FOXJ3: variants seen among roughly 807,000 people sequenced by gnomAD.
FOXJ3 encodes forkhead box J3.
A neutral mutation model predicts 76.1 loss-of-function variants in FOXJ3; 22 were observed. The ratio of observed to expected loss-of-function variants is 0.29; its 90% CI spans 0.21 to 0.41. The LOEUF is 0.41. FOXJ3 is among the 10% of genes least tolerant of loss of function. The pLI, the probability that FOXJ3 is intolerant of heterozygous loss-of-function variation, is 1.00. For missense variants in FOXJ3, 613 were observed against 762.1 expected (o/e 0.80, Z 2.30); for synonymous variants, 269 against 261.2 (o/e 1.03, Z -0.29).
Position 42,282,545 on chromosome 1 carries a change from C to G in FOXJ3, c.45-3873G>C, listed in dbSNP as rs574634346. On this transcript the variant is annotated intron_variant, in intron 2 of 12. Transcript: ENST00000361346. The stretch of plus-strand genomic sequence containing the variant: ...TAGTTGAATCATATGCTTAAGCTTT[C>G]TACCCTCACCTCCTCTCCCCCAACC... Among the ~76,000 whole-genome samples, 3 of 152,258 alleles carry G rather than the reference C, an allele frequency of 2.0e-5. No homozygotes were observed. In the East Asian group the frequency reaches 5.8e-4, roughly 29 times the overall value.
chr1:42,286,779 G>A (rs1479573827), intron 2 of FOXJ3, among the ~76,000 whole-genome samples: 1 of 151,934 alleles, frequency 6.6e-6, no homozygotes, highest in Non-Finnish European at 1.5e-5. Context: ...GATTACAGGT[G>A]TGTGCCACCA....
chr1:42,303,223 C>T (rs56059835), intron 2 of FOXJ3, among the ~76,000 whole-genome samples: 113 of 152,300 alleles, frequency 7.4e-4, no homozygotes, highest in Non-Finnish European at 1.2e-3. Flanking sequence ...CCAGCTCTAT[C>T]CCTAATTACC....
chr1:42,184,773 C>T (rs1386583425), intron 11 of FOXJ3, among the ~76,000 whole-genome samples: 5 of 152,022 alleles, frequency 3.3e-5, no homozygotes, highest in African/African-American at 1.2e-4. Flanking sequence ...ATCCCCTGAG[C>T]AGGTGTTTTT....
intron 1 of FOXJ3, among the ~76,000 whole-genome samples, chr1:42,313,963 T>C (rs1336894445): frequency 2.0e-5 from 3 of 152,214 alleles, no homozygotes; most frequent in African/African-American, 7.2e-5. Context: ...CATTCCCTCC[T>C]GGAAATCCCA....
rs540211840 is a variant in FOXJ3, at chr1:42,317,608, CAAG to C, written c.-17-6501_-17-6499del. ...AAAGGCAATCATGTTCAGTGTAGAT[CAAG>C]AAGGATAAAAACTGAAAAGAGAATA... is the stretch of plus-strand genomic sequence containing the variant. On this transcript the variant is annotated intron_variant, in intron 1 of 12. Coordinates refer to ENST00000361346, the MANE Select transcript of FOXJ3 (RefSeq NM_014947.5). Among the ~76,000 whole-genome samples the C allele has an allele frequency of 2.8e-3, 409 of 148,636 alleles. 4 individuals are homozygous for C. The highest frequency in any genetic ancestry group is 9.7e-3 in the African/African-American group (390 of 40,394).
chr1:42,213,442 T>A (rs1647005548), intron 5 of FOXJ3, among the ~76,000 whole-genome samples: 2 of 143,020 alleles, frequency 1.4e-5, no homozygotes, highest in African/African-American at 5.2e-5. Context: ...TCATATATCA[T>A]ATAAAAAAGA....
chr1:42,228,938 C>T (rs1176272786), intron 4 of FOXJ3, among the ~76,000 whole-genome samples: 1 of 152,106 alleles, frequency 6.6e-6, no homozygotes, highest in Non-Finnish European at 1.5e-5. Flanking sequence ...ATTAATCTTC[C>T]TAGGCCGTTT....
rs1655054531 is a variant in FOXJ3, at chr1:42,315,550, A to T, written c.-17-4440T>A. ...TATCTTTCCAATCTGCTCTAGCTTC[A>T]ATGCTTTAGTTCCAGTGTTATTCAT... On this transcript the variant is annotated intron_variant, in intron 1 of 12. Transcript: ENST00000361346. 6 of 228,146 alleles carry T rather than the reference A, an allele frequency of 2.6e-5. No individual in the cohort carries two copies. In the Admixed American group the frequency reaches 3.9e-4, roughly 15 times the overall value. 14.1% of individuals were successfully genotyped at this position (228,146 alleles called of 1,614,324 possible). A position where few individuals can be genotyped will look rare whatever the true frequency, so the allele number is the denominator to read the frequency against.
intron 1 of FOXJ3, among the ~76,000 whole-genome samples, chr1:42,324,102 G>GTATATACACAGTATATATAC (rs1557725886): frequency 2.1e-5 from 1 of 48,468 alleles, no homozygotes; most frequent in African/African-American, 7.3e-5. Context: ...TATATATACT[G>GTATATACACAGTATATATAC]TGTATATACA....
chr1:42,228,462 T>A (rs1303100016), intron 4 of FOXJ3, among the ~76,000 whole-genome samples: 1 of 151,760 alleles, frequency 6.6e-6, no homozygotes, highest in East Asian at 1.9e-4. Context: ...CTGTCGTGAC[T>A]TAACTATTCT....
chr1:42,188,867 A>C lies in FOXJ3; in HGVS notation c.1515T>G (p.Phe505Leu), dbSNP rs61753351. ...GATTAAGAGAAGAACAAAGATCGGC[A>C]AACTGAACCTGGTCTAAAGACCAGT... is the stretch of plus-strand genomic sequence containing the variant. ...LKNWSLDQVQ[F>L]ADLCSSLNQF... is the part of the protein sequence containing the mutation. Residue 505 changes from phenylalanine (F) to leucine (L), a missense_variant, in exon 11 of 13, where the codon TTT becomes TTG. By Grantham distance (22) the Phe-to-Leu change is conservative. Coordinates refer to ENST00000361346, the MANE Select transcript of FOXJ3 (RefSeq NM_014947.5). 102 of 1,613,354 alleles carry C rather than the reference A, an allele frequency of 6.3e-5. No individual in the cohort carries two copies. The highest frequency in any genetic ancestry group is 3.5e-5 in the Non-Finnish European group (41 of 1,179,534).
At chr1:42,252,592 T>A (rs1650185098) in intron 4 of FOXJ3, among the ~76,000 whole-genome samples, 1 of 151,116 alleles carries the variant, frequency 6.6e-6, no homozygotes, top group Non-Finnish European at 1.5e-5. Flanking sequence ...TTCATTAATT[T>A]TTTGAAGGGT....
At chr1:42,310,451 T>A (rs553850645) in intron 2 of FOXJ3, among the ~76,000 whole-genome samples, 8 of 133,914 alleles carry the variant, frequency 6.0e-5, no homozygotes, top group African/African-American at 2.3e-4. Flanking sequence ...GGCTTTTTTC[T>A]TTTTTTTTTT....
chr1:42,250,324 T>C (rs1054067757), intron 4 of FOXJ3, among the ~76,000 whole-genome samples: 1 of 152,180 alleles, frequency 6.6e-6, no homozygotes, highest in Non-Finnish European at 1.5e-5. Flanking sequence ...GTTCACAGGA[T>C]TGCTAAACAC....
intron 1 of FOXJ3, among the ~76,000 whole-genome samples, chr1:42,318,281 G>C (rs1216854948): frequency 6.6e-6 from 1 of 152,156 alleles, no homozygotes; most frequent in Admixed American, 6.5e-5. Flanking sequence ...CTACAAAGAA[G>C]ATATATGAAT....
chr1:42,227,016 G>T (rs1647625703), intron 5 of FOXJ3, among the ~76,000 whole-genome samples: 1 of 152,220 alleles, frequency 6.6e-6, no homozygotes, highest in Non-Finnish European at 1.5e-5. Flanking sequence ...GTGAAAAATG[G>T]TAACACTGGA....
intron 3 of FOXJ3, among the ~76,000 whole-genome samples, chr1:42,268,491 C>T (rs963473105): frequency 1.1e-4 from 16 of 151,104 alleles, no homozygotes; most frequent in African/African-American, 3.6e-4. Context: ...ATGAACAGTG[C>T]CGGAAATGGT....
At position 42,200,744 on chromosome 1, in the gene FOXJ3, A is replaced by C. The variant is rs536301076; in HGVS notation, c.631-1514T>G. Among the ~76,000 whole-genome samples the C allele has an allele frequency of 2.6e-5, 4 of 152,160 alleles. No homozygotes were observed. The South Asian group carries it at 6.2e-4, about 24-fold the overall frequency. ...CCACCCCACCTCAGCCTCCCAAAGG[A>C]GGCTTTGGGATTACAGGCATGAACC... On this transcript the variant is annotated intron_variant, in intron 6 of 12. Coordinates refer to ENST00000361346, the MANE Select transcript of FOXJ3 (RefSeq NM_014947.5).
At chr1:42,198,116 T>C (rs1557629734) in intron 7 of FOXJ3, among the ~76,000 whole-genome samples, 1 of 152,226 alleles carries the variant, frequency 6.6e-6, no homozygotes, top group Non-Finnish European at 1.5e-5. Context: ...TCTCTATTTC[T>C]TCTGAAAACT....
Sources: gnomAD v4.1 joint callset for allele counts (sites outside exome capture counted in the v4.1 genomes callset) on GRCh38, gnomAD v4.1.1 for gene constraint, MANE v1.5 for transcripts, NCBI Gene and HGNC (gene_info 2026-07-23, HGNC 2026-07-21) for gene names.